The following SPOCK1 variants were observed in gnomAD, a reference collection of about 807,000 sequenced individuals.
The protein encoded by SPOCK1 is testican-1.
In SPOCK1, 23 loss-of-function variants were observed where a neutral mutation model predicts 55.3. The observed-to-expected ratio is 0.42, with a 90% CI of 0.30 to 0.59. The LOEUF (loss-of-function observed/expected upper bound fraction) is 0.59. Among genes scored for constraint, SPOCK1 ranks in the 20% least tolerant of loss-of-function variants. The pLI is 0.22. For synonymous variants in SPOCK1, 226 were observed against 221.0 expected (o/e 1.02, Z -0.20); for missense variants, 499 against 552.5 (o/e 0.90, Z 0.97).
intron 3 of SPOCK1, among the ~76,000 whole-genome samples, chr5:137,208,800 C>G (rs533660237): frequency 1.1e-4 from 16 of 151,848 alleles, no homozygotes; most frequent in African/African-American, 3.4e-4. Context: ...TACCCCAAAC[C>G]TCAGCATCAC....
intron 6 of SPOCK1, among the ~76,000 whole-genome samples, chr5:137,065,089 G>A (rs773436172): frequency 5.3e-4 from 80 of 151,996 alleles, no homozygotes; most frequent in Non-Finnish European, 6.3e-4. Flanking sequence ...TCAGCTAGGC[G>A]TGGTGGTGCA....
In SPOCK1 at chr5:137,124,339, A is replaced by T. The variant is rs541149858; in HGVS notation, c.348-11778T>A. ...TCTTCTCTGTGCTTCTCCCCAGGAC[A>T]TAAAGCGAACCCCTGAGGATGCTGC... On this transcript the variant is annotated intron_variant, in intron 4 of 10. Coordinates refer to ENST00000394945, the MANE Select transcript of SPOCK1 (RefSeq NM_004598.4). 2.0e-5 allele frequency among the ~76,000 whole-genome samples: 3 copies of T among 152,266 alleles called. No individual in the cohort carries two copies. In the East Asian group the frequency reaches 5.8e-4, roughly 30 times the overall value.
intron 3 of SPOCK1, among the ~76,000 whole-genome samples, chr5:137,216,975 G>T (rs1344825824): frequency 3.3e-5 from 5 of 152,132 alleles, no homozygotes; most frequent in Non-Finnish European, 4.4e-5. Flanking sequence ...ACAAGGAGAG[G>T]AGCCCAGAGG....
chr5:137,311,269 C>A (rs980147632), intron 2 of SPOCK1, among the ~76,000 whole-genome samples: 1 of 152,128 alleles, frequency 6.6e-6, no homozygotes, highest in African/African-American at 2.4e-5. Context: ...TTCTGGATAC[C>A]TACTATGTGC....
chr5:137,223,947 A>G (rs967769284), intron 3 of SPOCK1, among the ~76,000 whole-genome samples: 5 of 152,214 alleles, frequency 3.3e-5, no homozygotes, highest in Non-Finnish European at 5.9e-5. Context: ...CTACTAAATA[A>G]TAAGAGAATG....
chr5:137,404,287 T>C (rs1197125908), intron 2 of SPOCK1, among the ~76,000 whole-genome samples: 2 of 152,212 alleles, frequency 1.3e-5, no homozygotes, highest in Admixed American at 6.5e-5. Context: ...AAAGGGATCA[T>C]GGGCTGGTGT....
At chr5:137,191,311 T>C (rs972525969) in intron 3 of SPOCK1, among the ~76,000 whole-genome samples, 1 of 152,202 alleles carries the variant, frequency 6.6e-6, no homozygotes, top group African/African-American at 2.4e-5. Context: ...CCTTAGTTAA[T>C]ATGTATCTAA....
At chr5:137,394,325 A>G (rs1388947444) in intron 2 of SPOCK1, among the ~76,000 whole-genome samples, 1 of 152,244 alleles carries the variant, frequency 6.6e-6, no homozygotes, top group Non-Finnish European at 1.5e-5. Context: ...CTTAATGTCA[A>G]CTTTTAAAAA....
chr5:137,466,096 A>T (rs1456878241), intron 2 of SPOCK1, among the ~76,000 whole-genome samples: 1 of 152,270 alleles, frequency 6.6e-6, no homozygotes, highest in Non-Finnish European at 1.5e-5. Flanking sequence ...AATCAGAGTC[A>T]TGTGGTTAAA....
rs576408269 is a variant in SPOCK1, at chr5:137,441,825, T to C, written c.186+56548A>G. On this transcript the variant is annotated intron_variant, in intron 2 of 10. Coordinates refer to ENST00000394945, the MANE Select transcript of SPOCK1 (RefSeq NM_004598.4). The stretch of plus-strand genomic sequence containing the variant: ...TGTTTCTGTCTATGTAGTAAGACAT[T>C]GGCTTTTAAAAGGACACTCACTCCA... Among the ~76,000 whole-genome samples, 17 of 152,310 alleles carry C rather than the reference T, an allele frequency of 1.1e-4. No individual in the cohort carries two copies. The East Asian group carries it at 2.7e-3, about 24-fold the overall frequency.
chr5:137,345,348 C>T (rs1407047094), intron 2 of SPOCK1, among the ~76,000 whole-genome samples: 1 of 152,222 alleles, frequency 6.6e-6, no homozygotes. Flanking sequence ...CCCTGATGAG[C>T]TCTTCCTGTT....
chr5:137,169,469 C>T (rs1204534136), intron 3 of SPOCK1, among the ~76,000 whole-genome samples: 1 of 151,304 alleles, frequency 6.6e-6, no homozygotes, highest in Non-Finnish European at 1.5e-5. Context: ...TACTACACAC[C>T]CACAAAATTA....
chr5:137,216,832 C>T (rs1485223524), intron 3 of SPOCK1, among the ~76,000 whole-genome samples: 2 of 152,184 alleles, frequency 1.3e-5, no homozygotes, highest in Non-Finnish European at 1.5e-5. Context: ...GTTGTGAAAC[C>T]ATCACTCGGA....
At chr5:137,104,524 T>TGGA (rs1418211003) in intron 5 of SPOCK1, among the ~76,000 whole-genome samples, 1 of 152,200 alleles carries the variant, frequency 6.6e-6, no homozygotes, top group African/African-American at 2.4e-5. Context: ...CCCAAGGCCA[T>TGGA]GGACTGCTAC....
At chr5:137,446,376 A>G (rs189763134) in intron 2 of SPOCK1, among the ~76,000 whole-genome samples, 1 of 152,270 alleles carries the variant, frequency 6.6e-6, no homozygotes, top group African/African-American at 2.4e-5. Flanking sequence ...CTGTTGGGCC[A>G]GGAAGAAACA....
At chr5:137,107,144 C>T (rs1055915750) in intron 5 of SPOCK1, among the ~76,000 whole-genome samples, 5 of 152,178 alleles carry the variant, frequency 3.3e-5, no homozygotes, top group South Asian at 2.1e-4. Flanking sequence ...TCTATTCTAA[C>T]GAAAGGAGAC....
intron 3 of SPOCK1, among the ~76,000 whole-genome samples, chr5:137,158,510 C>G (rs1052302467): frequency 2.0e-5 from 3 of 152,186 alleles, no homozygotes; most frequent in Non-Finnish European, 4.4e-5. Flanking sequence ...AATTGAAATG[C>G]AGCCAACACC....
At chr5:137,466,239 CAAGTG>C (rs1169656320) in intron 2 of SPOCK1, among the ~76,000 whole-genome samples, 1 of 152,186 alleles carries the variant, frequency 6.6e-6, no homozygotes, top group Non-Finnish European at 1.5e-5. Flanking sequence ...TTCTTGGACA[CAAGTG>C]GAGTGACTGA....
intron 6 of SPOCK1, among the ~76,000 whole-genome samples, chr5:137,012,192 C>G (rs987644722): frequency 9.9e-5 from 15 of 152,210 alleles, no homozygotes; most frequent in African/African-American, 3.6e-4. Context: ...GACTGTGAAC[C>G]TGAAGAAGTT....
Sources: gnomAD v4.1 joint callset for allele counts (sites outside exome capture counted in the v4.1 genomes callset) on GRCh38, gnomAD v4.1.1 for gene constraint, MANE v1.5 for transcripts, NCBI Gene and HGNC (gene_info 2026-07-23, HGNC 2026-07-21) for gene names.